Variants in ZNF892 observed in about 807,000 individuals in gnomAD.
ZNF892 encodes the protein zinc finger protein 570-like.
chr2:95,210,771 T>C, the ZNF892 span, among the ~76,000 whole-genome samples: 1 of 152,164 alleles, frequency 6.6e-6, no homozygotes, highest in Non-Finnish European at 1.5e-5. Context: ...CTGTGGAGCT[T>C]ATGTTAGCCA....
the ZNF892 span, among the ~76,000 whole-genome samples, chr2:95,263,218 C>T: frequency 1.3e-5 from 2 of 152,158 alleles, no homozygotes; most frequent in African/African-American, 4.8e-5. Context: ...TGGCTAACAG[C>T]CAGCAAGGAA....
At chr2:95,214,898 C>G in the ZNF892 span, 1 of 502,718 alleles carries the variant, frequency 2.0e-6, no homozygotes, top group Non-Finnish European at 3.6e-6. Context: ...CCTTCAGTCA[C>G]CGCTCAGCCC....
chr2:95,211,621 T>C, the ZNF892 span: 25 of 398,452 alleles, frequency 6.3e-5, no homozygotes, highest in Non-Finnish European at 8.8e-5. Context: ...TTTTCAGGAA[T>C]TGATGATCAG....
chr2:95,262,235 G>A, the ZNF892 span, among the ~76,000 whole-genome samples: 1 of 152,178 alleles, frequency 6.6e-6, no homozygotes, highest in Admixed American at 6.5e-5. Flanking sequence ...TCTGAGCTGT[G>A]CTCTGACAGG....
chr2:95,226,095 T>C, the ZNF892 span, among the ~76,000 whole-genome samples: 1 of 152,134 alleles, frequency 6.6e-6, no homozygotes, highest in East Asian at 1.9e-4. Context: ...GTGGGGGACT[T>C]TATGCAGTGG....
At chr2:95,223,658 C>A in the ZNF892 span, among the ~76,000 whole-genome samples, 1 of 152,124 alleles carries the variant, frequency 6.6e-6, no homozygotes, top group Admixed American at 6.5e-5. Context: ...ACCTTGGCCT[C>A]CCAAAGTGCT....
chr2:95,230,399 C>T, the ZNF892 span, among the ~76,000 whole-genome samples: 1 of 152,098 alleles, frequency 6.6e-6, no homozygotes, highest in Admixed American at 6.5e-5. Context: ...TTTCATTTTT[C>T]TGAGTATTAC....
At chr2:95,227,620 A>G in the ZNF892 span, among the ~76,000 whole-genome samples, 3 of 151,634 alleles carry the variant, frequency 2.0e-5, no homozygotes, top group African/African-American at 7.3e-5. Flanking sequence ...CTGCGCCCAG[A>G]TATTTCATTT....
chr2:95,231,213 T>TATAATA, the ZNF892 span, among the ~76,000 whole-genome samples: 134 of 152,354 alleles, frequency 8.8e-4, no homozygotes, highest in Non-Finnish European at 1.6e-3. Flanking sequence ...CAAATTACAG[T>TATAATA]GTATTCACAC....
chr2:95,223,833 G>C, the ZNF892 span, among the ~76,000 whole-genome samples: 1 of 152,132 alleles, frequency 6.6e-6, no homozygotes, highest in African/African-American at 2.4e-5. Context: ...AAAACTTTTA[G>C]CTATAACTTC....
At chr2:95,219,861 A>G in the ZNF892 span, among the ~76,000 whole-genome samples, 1 of 152,184 alleles carries the variant, frequency 6.6e-6, no homozygotes. Flanking sequence ...TGGGATTTAT[A>G]GCTCCCCACT....
chr2:95,260,786 G>A, the ZNF892 span, among the ~76,000 whole-genome samples: 2 of 152,224 alleles, frequency 1.3e-5, no homozygotes, highest in African/African-American at 2.4e-5. Flanking sequence ...TGCTCAGGAA[G>A]TGCCTGCTTC....
the ZNF892 span, among the ~76,000 whole-genome samples, chr2:95,253,651 T>C: frequency 6.6e-6 from 1 of 152,220 alleles, no homozygotes; most frequent in African/African-American, 2.4e-5. Context: ...GGGGATGGCA[T>C]TGAATCTATA....
the ZNF892 span, chr2:95,214,826 T>C: frequency 2.1e-6 from 1 of 484,538 alleles, no homozygotes; most frequent in Non-Finnish European, 3.8e-6. Flanking sequence ...GCATACACCT[T>C]ACTCTGCACC....
chr2:95,211,737 C>T, the ZNF892 span: 36 of 398,484 alleles, frequency 9.0e-5, no homozygotes, highest in Non-Finnish European at 1.2e-4. Flanking sequence ...ATGGCTCCCC[C>T]AATGCCTGTG....
the ZNF892 span, among the ~76,000 whole-genome samples, chr2:95,216,386 A>G: frequency 6.6e-6 from 1 of 152,226 alleles, no homozygotes; most frequent in Admixed American, 6.5e-5. Flanking sequence ...AGTACAGAAG[A>G]GACCTTTGAT....
At chr2:95,207,729 C>T in the ZNF892 span, 1 of 398,206 alleles carries the variant, frequency 2.5e-6, no homozygotes, top group Admixed American at 4.4e-5. Flanking sequence ...CGTGCGTTCC[C>T]GGCCTCTTGG....
chr2:95,245,245 ATTTTT>A, the ZNF892 span, among the ~76,000 whole-genome samples: 7 of 77,742 alleles, frequency 9.0e-5, no homozygotes, highest in African/African-American at 3.9e-4. Context: ...CCTGGAGCTG[ATTTTT>A]TTTTTTTTTT....
At chr2:95,246,201 T>C in the ZNF892 span, among the ~76,000 whole-genome samples, 1 of 152,186 alleles carries the variant, frequency 6.6e-6, no homozygotes, top group Non-Finnish European at 1.5e-5. Flanking sequence ...GGATGCAAGG[T>C]TGGTTCAACA....
Sources: allele counts gnomAD v4.1 joint callset (sites outside exome capture counted in the v4.1 genomes callset), GRCh38; gene constraint gnomAD v4.1.1; transcripts MANE v1.5; gene names NCBI Gene and HGNC (gene_info 2026-07-23, HGNC 2026-07-21).